Variants in PLSCR2 observed in about 807,000 individuals in gnomAD.
PLSCR2 encodes phospholipid scramblase 2.
A neutral mutation model predicts 25.3 loss-of-function variants in PLSCR2; 18 were observed. That is an observed-to-expected ratio of 0.71 (90% CI 0.49 to 1.06). PLSCR2 has a LOEUF of 1.06. Ranked by LOEUF, PLSCR2 falls within the 50% of genes least tolerant of loss-of-function variation. PLSCR2 has a pLI of 0.00. For synonymous variants in PLSCR2, 88 were observed against 87.3 expected (o/e 1.01, Z -0.04); for missense variants, 243 against 269.5 (o/e 0.90, Z 0.69).
downstream of PLSCR2, among the ~76,000 whole-genome samples, chr3:146,428,701 T>G (rs146125862): frequency 6.5e-4 from 99 of 152,290 alleles, no homozygotes; most frequent in African/African-American, 2.3e-3. Flanking sequence ...GCTATGAGGC[T>G]AAGAAAAAAC....
At chr3:146,452,658 C>T (rs151156401) in intron 5 of PLSCR2, among the ~76,000 whole-genome samples, 2 of 152,150 alleles carry the variant, frequency 1.3e-5, no homozygotes, top group African/African-American at 4.8e-5. Flanking sequence ...AATTGAAGAG[C>T]TACTGAATGA....
chr3:146,481,203 A>G (rs1451034763), intron 1 of PLSCR2, among the ~76,000 whole-genome samples: 1 of 152,166 alleles, frequency 6.6e-6, no homozygotes, highest in African/African-American at 2.4e-5. Flanking sequence ...CACCACTCCT[A>G]TTCAATATAG....
intron 5 of PLSCR2, 46 bp downstream of exon 5, chr3:146,453,956 C>T (rs1176645811): frequency 1.1e-5 from 16 of 1,460,624 alleles, no homozygotes; most frequent in African/African-American, 1.4e-5. Flanking sequence ...AAATTATATT[C>T]TTCTATTAAA....
At chr3:146,476,901 G>T (rs2042305892) in intron 1 of PLSCR2, among the ~76,000 whole-genome samples, 1 of 152,226 alleles carries the variant, frequency 6.6e-6, no homozygotes, top group East Asian at 1.9e-4. Context: ...TGGTCTCCAT[G>T]GACCAGCTGA....
chr3:146,454,051 A>G (rs1486723051), exon 5 of PLSCR2: 1 of 1,610,208 alleles, frequency 6.2e-7, no homozygotes, highest in African/African-American at 1.3e-5. Context: ...TGGACCACTA[A>G]TTTTTAGTAC....
At chr3:146,405,832 C>T (rs1172185386) in intron 2 of PLSCR2, among the ~76,000 whole-genome samples, 3 of 152,026 alleles carry the variant, frequency 2.0e-5, no homozygotes, top group Non-Finnish European at 4.4e-5. Flanking sequence ...TTTGTTGGCG[C>T]TTATCTAGAT....
At chr3:146,434,141 C>T (rs66902860) in intron 8 of PLSCR2, among the ~76,000 whole-genome samples, 16,780 of 151,950 alleles carry the variant, frequency 0.11, 1,263 homozygotes, top group Non-Finnish European at 0.17. Context: ...TAATGCTGAA[C>T]GTTATTAAAA....
chr3:146,492,101 G>A (rs114755348), intron 1 of PLSCR2, among the ~76,000 whole-genome samples: 2,491 of 152,222 alleles, frequency 0.016, 37 homozygotes, highest in South Asian at 0.039. Flanking sequence ...ACATGGCTCT[G>A]AGGCTCAGAT....
intron 2 of PLSCR2, 61 bp downstream of exon 2, chr3:146,459,787 G>T: frequency 1.6e-6 from 2 of 1,213,112 alleles, no homozygotes; most frequent in East Asian, 2.4e-5. Context: ...AATTACTATG[G>T]TTCATAAACC....
At chr3:146,435,087 C>A (rs1443094186) in intron 8 of PLSCR2, among the ~76,000 whole-genome samples, 1 of 152,086 alleles carries the variant, frequency 6.6e-6, no homozygotes, top group East Asian at 1.9e-4. Context: ...CATGTCCCTA[C>A]AAAGGACATG....
chr3:146,485,614 G>A (rs2043310686), intron 1 of PLSCR2, among the ~76,000 whole-genome samples: 1 of 152,072 alleles, frequency 6.6e-6, no homozygotes, highest in Non-Finnish European at 1.5e-5. Flanking sequence ...TCAGACCACA[G>A]CACAATCAAA....
At chr3:146,440,460 A>T (rs1299074202), downstream of PLSCR2, among the ~76,000 whole-genome samples, 1 of 152,152 alleles carries the variant, frequency 6.6e-6, no homozygotes, top group African/African-American at 2.4e-5. Context: ...TTACCTACTC[A>T]AGCCTCAGCA....
At chr3:146,420,708 T>C (rs1344524458) in intron 2 of PLSCR2, among the ~76,000 whole-genome samples, 4 of 152,104 alleles carry the variant, frequency 2.6e-5, no homozygotes, top group Non-Finnish European at 5.9e-5. Flanking sequence ...ATACTTTCTA[T>C]ATTATAGATC....
At chr3:146,424,823 C>T (rs1413082473) in intron 2 of PLSCR2, among the ~76,000 whole-genome samples, 1 of 151,968 alleles carries the variant, frequency 6.6e-6, no homozygotes, top group African/African-American at 2.4e-5. Context: ...TTTGAGTGCA[C>T]AGTGGTTGTG....
At chr3:146,459,435 T>C (rs2041422483) in intron 2 of PLSCR2, among the ~76,000 whole-genome samples, 2 of 152,214 alleles carry the variant, frequency 1.3e-5, no homozygotes, top group Admixed American at 6.5e-5. Context: ...TTTTAATCCT[T>C]GGTAATTTAT....
chr3:146,410,386 C>T (rs894258059), intron 2 of PLSCR2, among the ~76,000 whole-genome samples: 1 of 152,144 alleles, frequency 6.6e-6, no homozygotes, highest in South Asian at 2.1e-4. Context: ...CTGTTTTGAA[C>T]CTACCACCGG....
At chr3:146,493,669 G>A (rs569893758) in intron 1 of PLSCR2, among the ~76,000 whole-genome samples, 4 of 151,910 alleles carry the variant, frequency 2.6e-5, no homozygotes, top group African/African-American at 7.2e-5. Context: ...ACAAAAAAAG[G>A]TAAGCATGTG....
At chr3:146,407,676 G>A (rs1409556009) in intron 2 of PLSCR2, among the ~76,000 whole-genome samples, 7 of 152,174 alleles carry the variant, frequency 4.6e-5, no homozygotes, top group Admixed American at 1.3e-4. Context: ...TAGCAAAGCC[G>A]TACCTGGTGT....
At chr3:146,461,099 T>C (rs1395816060), upstream of PLSCR2, among the ~76,000 whole-genome samples, 1 of 152,220 alleles carries the variant, frequency 6.6e-6, no homozygotes, top group Non-Finnish European at 1.5e-5. Context: ...ATCTTTATAT[T>C]ACATGTAAAT....
Sources: gnomAD v4.1 joint callset for allele counts (sites outside exome capture counted in the v4.1 genomes callset) on GRCh38, gnomAD v4.1.1 for gene constraint, MANE v1.5 for transcripts, NCBI Gene and HGNC (gene_info 2026-07-23, HGNC 2026-07-21) for gene names.